PNMA2: variants seen among roughly 807,000 people sequenced by gnomAD.
The protein encoded by PNMA2 is PNMA family member 2.
For synonymous variants in PNMA2, 175 were observed against 183.5 expected, an observed-to-expected ratio of 0.95 and a Z score of 0.38; for missense variants, 455 against 452.9, an observed-to-expected ratio of 1.00 and a Z score of -0.04.
intron 1 of PNMA2, among the ~76,000 whole-genome samples, chr8:26,510,164 T>C (rs534950532): frequency 6.6e-6 from 1 of 152,276 alleles, no homozygotes; most frequent in East Asian, 1.9e-4. Flanking sequence ...ATTAGCTTCC[T>C]CGAGATCTGA....
At chr8:26,510,100 T>A (rs1192706878) in intron 1 of PNMA2, among the ~76,000 whole-genome samples, 1 of 152,218 alleles carries the variant, frequency 6.6e-6, no homozygotes, top group Non-Finnish European at 1.5e-5. Flanking sequence ...TGAGAGTGGA[T>A]CCCTTATGAA....
rs1347584382 is a variant in PNMA2 at position 26,507,644 on chromosome 8, C to T, written c.*17G>A. 3.0e-5 allele frequency: 46 copies of T among 1,529,410 alleles called. No homozygotes were observed. Among genetic ancestry groups the T allele is most frequent in the Non-Finnish European group, 4.0e-5 (46 of 1,141,936 alleles). 94.7% of individuals were successfully genotyped at this position (1,529,410 alleles called of 1,614,324 possible). A position where few individuals can be genotyped will look rare whatever the true frequency, so the allele number is the denominator to read the frequency against. ...GGTCTTAGCCCACTGGCTGTGGGTCCTGCCCCCAGGTGGTTTTCAGTCGTC... is the reference window on the plus strand; with the variant it reads ...GGTCTTAGCCCACTGGCTGTGGGTCTTGCCCCCAGGTGGTTTTCAGTCGTC... On this transcript the variant is annotated 3_prime_UTR_variant, in exon 3 of 3. Coordinates refer to ENST00000522362, the MANE Select transcript of PNMA2 (RefSeq NM_007257.6).
At position 26,508,176 on chromosome 8, in the gene PNMA2, C is replaced by G. The variant is rs1808080650; in HGVS notation, c.580G>C (p.Glu194Gln). The change falls in exon 3 of 3, where the codon GAG (glutamate) becomes CAG (glutamine). Residue 194 changes from glutamate (E) to glutamine (Q), a missense_variant. Physicochemically the swap from Glu to Gln is conservative, Grantham distance 29. Transcript: ENST00000522362. The surrounding 1 kb of genome is among the most constrained non-coding windows in gnomAD (Gnocchi z 5.5). Reference sequence around the variant, plus strand: ...TTTTCTGCCTCTGTTACTGGCCACTCTTTGACTATCTCCGTGGCCTGTTCC... The same window carrying G: ...TTTTCTGCCTCTGTTACTGGCCACTGTTTGACTATCTCCGTGGCCTGTTCC... ...WLEQATEIVK[E>Q]WPVTEAEKKR... is the part of the protein sequence containing the mutation. 1 of 1,614,102 alleles carries G rather than the reference C, an allele frequency of 6.2e-7. No homozygotes were observed. The highest frequency in any genetic ancestry group is 8.5e-7 in the Non-Finnish European group (1 of 1,179,974).
In PNMA2 at chr8:26,507,254, C is replaced by T. The variant is rs1808058153; in HGVS notation, c.*407G>A. On this transcript the variant is annotated 3_prime_UTR_variant, in exon 3 of 3. Coordinates refer to ENST00000522362, the MANE Select transcript of PNMA2 (RefSeq NM_007257.6). Reference sequence around the variant, plus strand: ...GACCAGCCTGAGCAACACAGCAAAACCCTGTCTCTACCAAAAATACAAAAG... The same window carrying T: ...GACCAGCCTGAGCAACACAGCAAAATCCTGTCTCTACCAAAAATACAAAAG... 6.4e-6 allele frequency: 1 copy of T among 155,314 alleles called. No homozygotes were observed. Among genetic ancestry groups the T allele is most frequent in the Non-Finnish European group, 1.4e-5 (1 of 70,432 alleles). 9.6% of individuals were successfully genotyped at this position (155,314 alleles called of 1,614,324 possible).
chr8:26,508,254 A>G lies in PNMA2; in HGVS notation c.502T>C (p.Phe168Leu). 6.2e-7 allele frequency: 1 copy of G among 1,601,756 alleles called. No homozygotes were observed. The highest frequency in any genetic ancestry group is 1.3e-5 in the African/African-American group (1 of 74,670). ...LPMRYRKLRV[F>L]SGSAVPAPEE... ...GGGGCTGGGACAGCACTCCCTGAGA[A>G]TACTCGCAGTTTCCGGTATCTCATG... The change falls in exon 3 of 3, where the codon TTC (phenylalanine) becomes CTC (leucine). Residue 168 changes from phenylalanine (F) to leucine (L), a missense_variant. By Grantham distance (22) the Phe-to-Leu change is conservative (BLOSUM62 0). Transcript: ENST00000522362. The surrounding 1 kb of genome is among the most constrained non-coding windows in gnomAD (Gnocchi z 5.5).
At position 26,508,559 on chromosome 8, in the gene PNMA2, A is replaced by G; in HGVS notation, c.197T>C (p.Leu66Ser). 6.2e-7 allele frequency: 1 copy of G among 1,614,216 alleles called. No homozygotes were observed. The highest frequency in any genetic ancestry group is 8.5e-7 in the Non-Finnish European group (1 of 1,180,028). Residue 66 changes from leucine to serine, a missense_variant, in exon 3 of 3, where the codon TTA becomes TCA. Leu to Ser is a moderately radical substitution (Grantham distance 145). Transcript: ENST00000522362. The surrounding 1 kb of genome is among the most constrained non-coding windows in gnomAD (Gnocchi z 5.5). ...FRKQENANAV[L>S]LELLEDTDVS... ...ATCAGTATCTTCCAGAAGCTCTAGT[A>G]AGACAGCATTGGCATTCTCCTGCTT...
Position 26,508,614 on chromosome 8 carries a change from T to C in PNMA2, c.142A>G (p.Arg48Gly). ...VLQETLKSLG[R>G]YRLLGKIFRK... ...AATATCTTGCCAAGCAGTCTATACC[T>C]GCCCAGAGACTTTAAAGTCTCCTGA... The change falls in exon 3 of 3, where the codon AGG becomes GGG. Residue 48 changes from arginine to glycine, a missense_variant. By Grantham distance (125) the Arg-to-Gly change is moderately radical. Coordinates refer to ENST00000522362, the MANE Select transcript of PNMA2 (RefSeq NM_007257.6). The surrounding 1 kb of genome is among the most constrained non-coding windows in gnomAD (Gnocchi z 5.5). 5 of 1,614,206 alleles carry C rather than the reference T, an allele frequency of 3.1e-6. No homozygotes were observed. The highest frequency in any genetic ancestry group is 4.2e-6 in the Non-Finnish European group (5 of 1,180,050).
Position 26,508,400 on chromosome 8 carries a change from C to A in PNMA2, c.356G>T (p.Gly119Val). The change falls in exon 3 of 3, where the codon GGT becomes GTT. Residue 119 changes from glycine (G) to valine (V), a missense_variant. Transcript: ENST00000522362. This position sits in a 1 kb window ranked among gnomAD's most constrained non-coding sequence, Gnocchi z 5.5. The stretch of plus-strand genomic sequence containing the variant: ...CTCCTGCCCCAGGGCTCGAAACATA[C>A]CCGAGACCGTCTGCCCCTCTTTTTC... ...FLEKEGQTVSGMFRALGQEGV... is the reference protein window; with the variant it reads ...FLEKEGQTVSVMFRALGQEGV... 1 of 1,614,236 alleles carries A rather than the reference C, an allele frequency of 6.2e-7. No individual in the cohort carries two copies. The highest frequency in any genetic ancestry group is 8.5e-7 in the Non-Finnish European group (1 of 1,180,038).
intron 1 of PNMA2, among the ~76,000 whole-genome samples, chr8:26,513,533 C>A (rs1326804477): frequency 6.6e-6 from 1 of 152,190 alleles, no homozygotes; most frequent in Non-Finnish European, 1.5e-5. Flanking sequence ...TGGCTGCCCC[C>A]CTCCTGTCCA....
At position 26,507,740 on chromosome 8, in the gene PNMA2, G is replaced by A. The variant is rs1381695894; in HGVS notation, c.1016C>T (p.Ala339Val). ...KVIREEEEEEASFENESIEEP... is the reference protein window; with the variant it reads ...KVIREEEEEEVSFENESIEEP... ...TTCGATACTCTCATTCTCAAAGGAG[G>A]CCTCTTCCTCCTCTTCTTCCCGTAT... is the stretch of plus-strand genomic sequence containing the variant. Residue 339 changes from alanine to valine, a missense_variant, in exon 3 of 3, where the codon GCC (alanine) becomes GTC (valine). Ala to Val is a moderately conservative substitution (Grantham distance 64). Transcript: ENST00000522362. 3.7e-6 allele frequency: 6 copies of A among 1,611,026 alleles called. No homozygotes were observed. Among genetic ancestry groups the A allele is most frequent in the Non-Finnish European group, 5.1e-6 (6 of 1,178,786 alleles).
chr8:26,507,645 TG>T lies in PNMA2; in HGVS notation c.*15del, dbSNP rs1469951493. The T allele has an allele frequency of 2.0e-6, 3 of 1,529,806 alleles. No individual in the cohort carries two copies. In the African/African-American group the frequency reaches 4.2e-5, roughly 21 times the overall value. The allele number at this position is 1,529,806 out of a possible 1,614,324, so 94.8% of individuals were successfully genotyped here. ...GTCTTAGCCCACTGGCTGTGGGTCC[TG>T]CCCCCAGGTGGTTTTCAGTCGTCTC... On this transcript the variant is annotated 3_prime_UTR_variant, in exon 3 of 3. Transcript: ENST00000522362.
At position 26,507,641 on chromosome 8, in the gene PNMA2, G is replaced by A; in HGVS notation, c.*20C>T. On this transcript the variant is annotated 3_prime_UTR_variant, in exon 3 of 3. Transcript: ENST00000522362. ...AAAGGTCTTAGCCCACTGGCTGTGGGTCCTGCCCCCAGGTGGTTTTCAGTC... is the reference window on the plus strand; with the variant it reads ...AAAGGTCTTAGCCCACTGGCTGTGGATCCTGCCCCCAGGTGGTTTTCAGTC... The A allele has an allele frequency of 6.5e-7, 1 of 1,528,846 alleles. No individual in the cohort carries two copies. The highest frequency in any genetic ancestry group is 1.3e-5 in the South Asian group (1 of 75,002). The allele number at this position is 1,528,846 out of a possible 1,614,324, so 94.7% of individuals were successfully genotyped here.
chr8:26,513,289 A>G (rs939648661), intron 1 of PNMA2, among the ~76,000 whole-genome samples: 2 of 149,154 alleles, frequency 1.3e-5, no homozygotes, highest in African/African-American at 5.0e-5. Flanking sequence ...TCCCGACTGC[A>G]CTCTTTGCTA....
At position 26,507,590 on chromosome 8, in the gene PNMA2, C is replaced by T; in HGVS notation, c.*71G>A. ...TGGCTTTCATGGTTTGATTTCAGTC[C>T]CATACATTAAAGAAAAAAATTTTTT... On this transcript the variant is annotated 3_prime_UTR_variant, in exon 3 of 3. Coordinates refer to ENST00000522362, the MANE Select transcript of PNMA2 (RefSeq NM_007257.6). The T allele has an allele frequency of 1.4e-6, 2 of 1,392,922 alleles. No homozygotes were observed. The highest frequency in any genetic ancestry group is 1.9e-6 in the Non-Finnish European group (2 of 1,032,212). 86.3% of individuals were successfully genotyped at this position (1,392,922 alleles called of 1,614,324 possible).
In PNMA2 at chr8:26,508,496, C is replaced by T. The variant is rs755286261; in HGVS notation, c.260G>A (p.Gly87Asp). Residue 87 changes from glycine to aspartate, a missense_variant, in exon 3 of 3, where the codon GGT becomes GAT. Gly to Asp is a moderately conservative substitution (Grantham distance 94, BLOSUM62 -1). Transcript: ENST00000522362. This position sits in a 1 kb window ranked among gnomAD's most constrained non-coding sequence, Gnocchi z 5.5. ...GGTCTTAAAGATCACCTTCCAGACA[C>T]CCCCCTTTCCCTGGACCTCACTGGG... Reference protein sequence around the residue: ...AIPSEVQGKGGVWKVIFKTPN... With the variant: ...AIPSEVQGKGDVWKVIFKTPN... 3.7e-6 allele frequency: 6 copies of T among 1,614,198 alleles called. No individual in the cohort carries two copies. Among genetic ancestry groups the T allele is most frequent in the East Asian group, 2.2e-5 (1 of 44,888 alleles).
intron 1 of PNMA2, among the ~76,000 whole-genome samples, chr8:26,513,328 C>T (rs1808202831): frequency 6.6e-6 from 1 of 151,766 alleles, no homozygotes; most frequent in Non-Finnish European, 1.5e-5. Flanking sequence ...ACCTGCGTCT[C>T]TCTCTATATT....
rs1554529650 is a variant in PNMA2, at chr8:26,508,037, A to C, written c.719T>G (p.Val240Gly). 1.2e-6 allele frequency: 2 copies of C among 1,614,142 alleles called. No homozygotes were observed. The highest frequency in any genetic ancestry group is 1.1e-5 in the South Asian group (1 of 91,080). Residue 240 changes from valine to glycine, a missense_variant, in exon 3 of 3, where the codon GTG (valine) becomes GGG (glycine). Physicochemically the swap from Val to Gly is moderately radical, Grantham distance 109 (BLOSUM62 -3). Transcript: ENST00000522362. This position sits in a 1 kb window ranked among gnomAD's most constrained non-coding sequence, Gnocchi z 5.5. ...CCTGCGGCTCTCTAGGCTCCCAAAC[A>C]CTTGCTTAAAGGCCTCCAAACACTC... ...VEECLEAFKQ[V>G]FGSLESRRTA...
chr8:26,509,176 GA>G lies in PNMA2; in HGVS notation c.-422del. 1 of 175,746 alleles carries G rather than the reference GA, an allele frequency of 5.7e-6. No individual in the cohort carries two copies. Among genetic ancestry groups the G allele is most frequent in the Non-Finnish European group, 1.3e-5 (1 of 74,422 alleles). 10.9% of individuals were successfully genotyped at this position (175,746 alleles called of 1,614,324 possible). ...TGTTTCGTCTCTCTCCAGTTGATGG[GA>G]AAATGCCTTCCACTCTGGGACCCAG... On this transcript the variant is annotated 5_prime_UTR_variant, in exon 3 of 3. Transcript: ENST00000522362. The surrounding 1 kb of genome is among the most constrained non-coding windows in gnomAD (Gnocchi z 5.7).
rs1008679777 is a variant in PNMA2, at chr8:26,507,602, G to GA, written c.*58dup. 3 of 1,483,416 alleles carry GA rather than the reference G, an allele frequency of 2.0e-6. No individual in the cohort carries two copies. Among genetic ancestry groups the GA allele is most frequent in the East Asian group, 4.6e-5 (2 of 43,376 alleles). 91.9% of individuals were successfully genotyped at this position (1,483,416 alleles called of 1,614,324 possible). A position where few individuals can be genotyped will look rare whatever the true frequency, so the allele number is the denominator to read the frequency against. ...TTTGATTTCAGTCCCATACATTAAA[G>GA]AAAAAAATTTTTTAAAGGTCTTAGC... On this transcript the variant is annotated 3_prime_UTR_variant, in exon 3 of 3. Coordinates refer to ENST00000522362, the MANE Select transcript of PNMA2 (RefSeq NM_007257.6).
Sources: gnomAD v4.1 joint callset for allele counts (sites outside exome capture counted in the v4.1 genomes callset) on GRCh38, gnomAD v4.1.1 for gene constraint, Gnocchi (gnomAD v3.1) non-coding constraint, MANE v1.5 for transcripts, NCBI Gene and HGNC (gene_info 2026-07-23, HGNC 2026-07-21) for gene names.